ZNF653: variants seen among roughly 807,000 people sequenced by gnomAD.
ZNF653 encodes the protein 67 kDa zinc finger protein.
In ZNF653, 37 loss-of-function variants were observed where a neutral mutation model predicts 59.9. That is an observed-to-expected ratio of 0.62 (90% confidence interval 0.48 to 0.81). The LOEUF (loss-of-function observed/expected upper bound fraction) is 0.81, where lower values mean the gene tolerates loss of function less well. Among genes scored for constraint, ZNF653 ranks in the 40% least tolerant of loss-of-function variants. The pLI is 0.00. For missense variants in ZNF653, 808 were observed against 881.1 expected (o/e 0.92, Z 1.05); for synonymous variants, 435 against 371.8 (o/e 1.17, Z -1.96).
chr19:11,501,797 CT>C (rs57995525), intron 1 of ZNF653, among the ~76,000 whole-genome samples: 2,200 of 150,712 alleles, frequency 0.015, 21 homozygotes, highest in African/African-American at 0.026. Context: ...CCTTTAGTAA[CT>C]TTTTTTTTTC....
At chr19:11,502,975 AGT>A (rs1038399461) in intron 1 of ZNF653, among the ~76,000 whole-genome samples, 39 of 151,186 alleles carry the variant, frequency 2.6e-4, no homozygotes, top group Admixed American at 3.3e-4. Context: ...CAGAGGTTGC[AGT>A]GAGCTGAGGC....
intron 1 of ZNF653, among the ~76,000 whole-genome samples, chr19:11,498,592 C>T (rs1227239121): frequency 1.3e-5 from 2 of 150,820 alleles, no homozygotes; most frequent in African/African-American, 4.9e-5. Flanking sequence ...TACAGGTGCA[C>T]GCCACCACAC....
chr19:11,496,049 T>C lies in ZNF653; in HGVS notation c.460A>G (p.Thr154Ala). Residue 154 changes from threonine to alanine, a missense_variant, in exon 3 of 9, where the codon ACC (threonine) becomes GCC (alanine). Thr to Ala is a moderately conservative substitution (Grantham distance 58). Coordinates refer to ENST00000293771, the MANE Select transcript of ZNF653 (RefSeq NM_138783.4). ...GCTTCGCACTGCCACACGGCCGTGG[T>C]GTACAGGCCAAAAGTGGGGTCTAGC... ...AELDPTFGLY[T>A]TAVWQCEAGH... 6.2e-7 allele frequency: 1 copy of C among 1,614,176 alleles called. No individual in the cohort carries two copies. The highest frequency in any genetic ancestry group is 8.5e-7 in the Non-Finnish European group (1 of 1,180,024).
In ZNF653 at chr19:11,505,743, T is replaced by C. The variant is rs1268885178; in HGVS notation, c.44A>G (p.Glu15Gly). Residue 15 changes from glutamate (E) to glycine (G), a missense_variant, in exon 1 of 9, where the codon GAG becomes GGG. Physicochemically the swap from Glu to Gly is moderately conservative, Grantham distance 98. Transcript: ENST00000293771. ...ALEPEAEAEAEAGAGGEAAAE... is the reference protein window; with the variant it reads ...ALEPEAEAEAGAGAGGEAAAE... ...TGCTGCCTCCCCGCCCGCGCCCGCC[T>C]CAGCCTCCGCCTCCGCCTCGGGCTC... is the stretch of plus-strand genomic sequence containing the variant. The C allele has an allele frequency of 7.2e-7, 1 of 1,396,378 alleles. No homozygotes were observed. Among genetic ancestry groups the C allele is most frequent in the Non-Finnish European group, 9.2e-7 (1 of 1,086,066 alleles). The allele number at this position is 1,396,378 out of a possible 1,614,324, so 86.5% of individuals were successfully genotyped here.
chr19:11,485,840 G>A (rs558793731), intron 6 of ZNF653, 70 bp from the exon 7 acceptor site: 2 of 1,248,716 alleles, frequency 1.6e-6, no homozygotes, highest in African/African-American at 1.5e-5. Context: ...GGGGAGAGAT[G>A]AGGGCAGCTG....
chr19:11,487,853 C>T lies in ZNF653; in HGVS notation c.610G>A (p.Ala204Thr). 8 of 1,608,704 alleles carry T rather than the reference C, an allele frequency of 5.0e-6. No individual in the cohort carries two copies. The highest frequency in any genetic ancestry group is 3.3e-4 in the Middle Eastern group (2 of 6,020). Residue 204 changes from alanine to threonine, a missense_variant, in exon 4 of 9, where the codon GCC becomes ACC. By Grantham distance (58) the Ala-to-Thr change is moderately conservative (BLOSUM62 0). Coordinates refer to ENST00000293771, the MANE Select transcript of ZNF653 (RefSeq NM_138783.4). The surrounding 1 kb of genome is among the most constrained non-coding windows in gnomAD (Gnocchi z 5.1). The stretch of plus-strand genomic sequence containing the variant: ...TCAGGAGACTCCTCAGAGTCAGAGG[C>T]AGAGCCAGAGCTGGATGAGTCAGAG... ...GSSDSSSSGS[A>T]SDSEESPEGQ...
chr19:11,495,813 G>T lies in ZNF653; in HGVS notation c.559+137C>A. On this transcript the variant is annotated intron_variant, in intron 3 of 8. Coordinates refer to ENST00000293771, the MANE Select transcript of ZNF653 (RefSeq NM_138783.4). This position sits in a 1 kb window ranked among gnomAD's most constrained non-coding sequence, Gnocchi z 4.9. ...CGAAGGACTCAGCCTGGCCCATCGTGTCCCTGCTCTGCCCCAGTGCCAGAG... is the reference window on the plus strand; with the variant it reads ...CGAAGGACTCAGCCTGGCCCATCGTTTCCCTGCTCTGCCCCAGTGCCAGAG... 2.2e-6 allele frequency: 2 copies of T among 893,320 alleles called. No homozygotes were observed. The highest frequency in any genetic ancestry group is 3.4e-6 in the Non-Finnish European group (2 of 587,558). The allele number at this position is 893,320 out of a possible 1,614,324, so 55.3% of individuals were successfully genotyped here.
At chr19:11,503,585 T>C (rs1023650984) in intron 1 of ZNF653, among the ~76,000 whole-genome samples, 2 of 152,018 alleles carry the variant, frequency 1.3e-5, no homozygotes, top group Non-Finnish European at 2.9e-5. Flanking sequence ...GGACGGAGGA[T>C]CCCTTGAGCC....
Position 11,487,862 on chromosome 19 carries a change from A to ATCTG in ZNF653, c.600_601insCAGA (p.Ser201GlnfsTer7). On this transcript the variant is annotated frameshift_variant, in exon 4 of 9. Coordinates refer to ENST00000293771, the MANE Select transcript of ZNF653 (RefSeq NM_138783.4). LOFTEE classifies it high-confidence loss of function. The surrounding 1 kb of genome is among the most constrained non-coding windows in gnomAD (Gnocchi z 5.1). ...TCCTCAGAGTCAGAGGCAGAGCCAG[A>ATCTG]GCTGGATGAGTCAGAGCTGCCAGCC... 1 of 1,607,110 alleles carries ATCTG rather than the reference A, an allele frequency of 6.2e-7. No homozygotes were observed. Among genetic ancestry groups the ATCTG allele is most frequent in the Non-Finnish European group, 8.5e-7 (1 of 1,175,970 alleles).
At chr19:11,484,199 C>T in intron 7 of ZNF653, 58 bp from the exon 8 acceptor site, 1 of 1,305,510 alleles carries the variant, frequency 7.7e-7, no homozygotes, top group Non-Finnish European at 1.1e-6. Flanking sequence ...CTCTGATGTG[C>T]TGCAGACTCT....
At chr19:11,501,281 C>G (rs562819249) in intron 1 of ZNF653, among the ~76,000 whole-genome samples, 5 of 151,634 alleles carry the variant, frequency 3.3e-5, no homozygotes, top group Non-Finnish European at 2.9e-5. Flanking sequence ...AGGGCTCAAC[C>G]GATCCTCTTG....
chr19:11,498,601 A>G (rs1971612310), intron 1 of ZNF653, among the ~76,000 whole-genome samples: 1 of 150,626 alleles, frequency 6.6e-6, no homozygotes, highest in Admixed American at 6.6e-5. Flanking sequence ...ACGCCACCAC[A>G]CCTGGCTAAT....
At chr19:11,486,005 AG>A (rs1364400457) in intron 6 of ZNF653, among the ~76,000 whole-genome samples, 1 of 151,980 alleles carries the variant, frequency 6.6e-6, no homozygotes, top group Non-Finnish European at 1.5e-5. Flanking sequence ...GCTGGAGTGC[AG>A]TGGTGTTCTC....
In ZNF653 at chr19:11,505,614, C is replaced by G; in HGVS notation, c.173G>C (p.Arg58Pro). The change falls in exon 1 of 9, where the codon CGG (arginine) becomes CCG (proline). Residue 58 changes from arginine (R) to proline (P), a missense_variant. Coordinates refer to ENST00000293771, the MANE Select transcript of ZNF653 (RefSeq NM_138783.4). ...GTGCGCCTCGCCCAGGTACACGCGC[C>G]GCACGTCGTACTTCTTCCGGGACTC... ...RLESRKKYDVRRVYLGEAHGP... is the reference protein window; with the variant it reads ...RLESRKKYDVPRVYLGEAHGP... 1.3e-6 allele frequency: 2 copies of G among 1,504,460 alleles called. No homozygotes were observed. The highest frequency in any genetic ancestry group is 1.8e-6 in the Non-Finnish European group (2 of 1,133,788). The allele number at this position is 1,504,460 out of a possible 1,614,324, so 93.2% of individuals were successfully genotyped here.
chr19:11,488,406 C>T (rs1971494548), intron 3 of ZNF653, among the ~76,000 whole-genome samples: 1 of 151,798 alleles, frequency 6.6e-6, no homozygotes, highest in South Asian at 2.1e-4. Flanking sequence ...TCCCAAAGTG[C>T]TGGGATTACA....
chr19:11,490,485 T>TA (rs1013495357), intron 3 of ZNF653, among the ~76,000 whole-genome samples: 1 of 152,032 alleles, frequency 6.6e-6, no homozygotes, highest in Non-Finnish European at 1.5e-5. Context: ...CTCCCAGGTT[T>TA]AAAAAATTCT....
Position 11,495,906 on chromosome 19 carries a change from C to G in ZNF653, c.559+44G>C. The G allele has an allele frequency of 1.9e-6, 3 of 1,581,850 alleles. No homozygotes were observed. Among genetic ancestry groups the G allele is most frequent in the Non-Finnish European group, 2.6e-6 (3 of 1,161,414 alleles). ...TAGCCTAGGGCTCGTAAGAAGCCCC[C>G]AGAAATGGGCGGCCCCCTATGTGCC... is the stretch of plus-strand genomic sequence containing the variant. On this transcript the variant is annotated intron_variant, in intron 3 of 8. Coordinates refer to ENST00000293771, the MANE Select transcript of ZNF653 (RefSeq NM_138783.4). This position sits in a 1 kb window ranked among gnomAD's most constrained non-coding sequence, Gnocchi z 4.9.
At position 11,489,897 on chromosome 19, in the gene ZNF653, G is replaced by A. The variant is rs558987023; in HGVS notation, c.560-1994C>T. Among the ~76,000 whole-genome samples the A allele has an allele frequency of 1.3e-3, 204 of 152,300 alleles. 1 individual carries two copies. Among genetic ancestry groups the A allele is most frequent in the African/African-American group, 4.2e-3 (174 of 41,562 alleles). The stretch of plus-strand genomic sequence containing the variant: ...GCTTGGCCTGGGGCCTCTCCTCAGC[G>A]CTCACCTTACCCCCAGGCTTGCCCA... On this transcript the variant is annotated intron_variant, in intron 3 of 8. Coordinates refer to ENST00000293771, the MANE Select transcript of ZNF653 (RefSeq NM_138783.4).
At position 11,505,501 on chromosome 19, in the gene ZNF653, T is replaced by C; in HGVS notation, c.286A>G (p.Ser96Gly). 6.7e-7 allele frequency: 1 copy of C among 1,488,344 alleles called. No homozygotes were observed. The highest frequency in any genetic ancestry group is 2.9e-5 in the East Asian group (1 of 34,050). 92.2% of individuals were successfully genotyped at this position (1,488,344 alleles called of 1,614,324 possible). Residue 96 changes from serine (S) to glycine (G), a missense_variant, in exon 1 of 9, where the codon AGC becomes GGC. Coordinates refer to ENST00000293771, the MANE Select transcript of ZNF653 (RefSeq NM_138783.4). The part of the protein sequence containing the change: ...YLISLERGQR[S>G]GRHGKPWEQV... Reference sequence around the variant, plus strand: ...AGGCCCCCTCACCCGTGGCGGCCGCTCCGCTGGCCGCGCTCCAGAGAGATG... The same window carrying C: ...AGGCCCCCTCACCCGTGGCGGCCGCCCCGCTGGCCGCGCTCCAGAGAGATG...
Sources: gnomAD v4.1 joint callset for allele counts (sites outside exome capture counted in the v4.1 genomes callset) on GRCh38, gnomAD v4.1.1 for gene constraint, Gnocchi (gnomAD v3.1) non-coding constraint, MANE v1.5 for transcripts, NCBI Gene and HGNC (gene_info 2026-07-23, HGNC 2026-07-21) for gene names.